The following CDH4 variants were observed in gnomAD, a reference collection of about 807,000 sequenced individuals.
CDH4 encodes cadherin 4.
In CDH4, 33 loss-of-function variants were observed where a neutral mutation model predicts 86.0. That is an observed-to-expected ratio of 0.38 (90% confidence interval 0.29 to 0.51). The LOEUF is 0.51. Among genes scored for constraint, CDH4 ranks in the 20% least tolerant of loss-of-function variants. The pLI is 0.86. For missense variants in CDH4, 1,114 were observed against 1,307.4 expected (o/e 0.85, Z 2.28); for synonymous variants, 555 against 549.4 (o/e 1.01, Z -0.14).
intron 2 of CDH4, among the ~76,000 whole-genome samples, chr20:61,427,377 C>T (rs1600969252): frequency 6.6e-6 from 1 of 152,170 alleles, no homozygotes; most frequent in Non-Finnish European, 1.5e-5. Context: ...AGGCCAGAGG[C>T]ATTAGCAATT....
intron 2 of CDH4, among the ~76,000 whole-genome samples, chr20:61,478,626 T>C (rs1193453630): frequency 6.6e-6 from 1 of 152,226 alleles, no homozygotes; most frequent in Non-Finnish European, 1.5e-5. Context: ...TGTCTTGATC[T>C]GGGGGAATAT....
chr20:61,347,989 T>C (rs943993395), intron 2 of CDH4, among the ~76,000 whole-genome samples: 5 of 152,180 alleles, frequency 3.3e-5, no homozygotes, highest in African/African-American at 4.8e-5. Context: ...ACGTGTGTAT[T>C]ATCGGGGAAG....
At chr20:61,919,211 ATATCT>A (rs2054940272) in intron 9 of CDH4, among the ~76,000 whole-genome samples, 2 of 152,290 alleles carry the variant, frequency 1.3e-5, no homozygotes, top group East Asian at 3.9e-4. Flanking sequence ...TTGTACTGAA[ATATCT>A]TATTCAGTAG....
chr20:61,631,278 T>C (rs533038586), intron 2 of CDH4, among the ~76,000 whole-genome samples: 1 of 152,236 alleles, frequency 6.6e-6, no homozygotes, highest in African/African-American at 2.4e-5. Context: ...CGCAGAGCTG[T>C]CCCGTTTGGA....
At chr20:61,440,681 T>A (rs772217165) in intron 2 of CDH4, among the ~76,000 whole-genome samples, 2 of 152,224 alleles carry the variant, frequency 1.3e-5, no homozygotes, top group Non-Finnish European at 2.9e-5. Context: ...CCTCCTGAGA[T>A]GTGAATCCGG....
intron 5 of CDH4, among the ~76,000 whole-genome samples, chr20:61,851,036 G>A (rs1982699260): frequency 6.6e-6 from 1 of 152,232 alleles, no homozygotes; most frequent in African/African-American, 2.4e-5. Flanking sequence ...GTGACCTCTG[G>A]GCGTGTGGGA....
chr20:61,343,871 C>T (rs1213855765), intron 2 of CDH4, among the ~76,000 whole-genome samples: 1 of 151,990 alleles, frequency 6.6e-6, no homozygotes, highest in East Asian at 1.9e-4. Context: ...CAGTTGGTCA[C>T]ATCGGTTGAA....
chr20:61,812,528 C>T (rs1198386927), intron 4 of CDH4, among the ~76,000 whole-genome samples: 1 of 152,152 alleles, frequency 6.6e-6, no homozygotes, highest in Non-Finnish European at 1.5e-5. Flanking sequence ...CCTTTAACCC[C>T]CGAGAGAATT....
chr20:61,338,893 A>AC (rs2084634004), intron 2 of CDH4, among the ~76,000 whole-genome samples: 1 of 152,212 alleles, frequency 6.6e-6, no homozygotes, highest in Non-Finnish European at 1.5e-5. Context: ...GATGCTCTTG[A>AC]ACATGCCTCC....
chr20:61,468,565 TTA>T (rs1399633851), intron 2 of CDH4, among the ~76,000 whole-genome samples: 1 of 152,196 alleles, frequency 6.6e-6, no homozygotes, highest in Non-Finnish European at 1.5e-5. Context: ...TTACATTCTT[TTA>T]GTTATTTTAA....
At chr20:61,617,216 G>A (rs953129405) in intron 2 of CDH4, among the ~76,000 whole-genome samples, 6 of 152,246 alleles carry the variant, frequency 3.9e-5, no homozygotes, top group Non-Finnish European at 7.4e-5. Flanking sequence ...TACTTCCCAC[G>A]CTGTGTCGTG....
intron 2 of CDH4, among the ~76,000 whole-genome samples, chr20:61,559,670 T>C (rs2086202416): frequency 6.6e-6 from 1 of 151,674 alleles, no homozygotes; most frequent in African/African-American, 2.4e-5. Context: ...AGGCGTGTGC[T>C]GCTTCACCTG....
At chr20:61,291,869 T>C (rs1184193118) in intron 2 of CDH4, among the ~76,000 whole-genome samples, 2 of 152,208 alleles carry the variant, frequency 1.3e-5, no homozygotes, top group Non-Finnish European at 2.9e-5. Flanking sequence ...TACCCAATAG[T>C]TGTCTTTCCT....
rs775026715 is a variant in CDH4 at position 61,396,151 on chromosome 20, G to A, written c.169+141214G>A. Among the ~76,000 whole-genome samples, 24 of 152,262 alleles carry A rather than the reference G, an allele frequency of 1.6e-4. 1 individual carries two copies. Among genetic ancestry groups the A allele is most frequent in the African/African-American group, 3.6e-4 (15 of 41,552 alleles). ...GCGTCGAGTAGTTGCTGCAGAGACC[G>A]TATAGCCCTGAAAGCCTAAAATATT... On this transcript the variant is annotated intron_variant, in intron 2 of 15. Transcript: ENST00000614565.
intron 2 of CDH4, among the ~76,000 whole-genome samples, chr20:61,497,655 C>T (rs2085671989): frequency 6.6e-6 from 1 of 152,100 alleles, no homozygotes; most frequent in South Asian, 2.1e-4. Flanking sequence ...GTGGCGATTC[C>T]TCAAGGATCT....
chr20:61,484,776 A>G (rs896435833), intron 2 of CDH4, among the ~76,000 whole-genome samples: 2 of 152,198 alleles, frequency 1.3e-5, no homozygotes, highest in African/African-American at 4.8e-5. Context: ...GGGTGCGCCC[A>G]GCAGCCCAGC....
chr20:61,734,972 C>T (rs1346213861), intron 2 of CDH4, among the ~76,000 whole-genome samples: 2 of 151,754 alleles, frequency 1.3e-5, no homozygotes, highest in Non-Finnish European at 2.9e-5. Flanking sequence ...CGGGCAGGCG[C>T]CTGGTGATGG....
chr20:61,771,104 G>A (rs1326822615), intron 3 of CDH4, among the ~76,000 whole-genome samples: 4 of 146,006 alleles, frequency 2.7e-5, no homozygotes, highest in African/African-American at 7.6e-5. Context: ...TCCACCTCCC[G>A]GGTTCAAGTG....
chr20:61,565,401 G>C lies in CDH4; in HGVS notation c.170-178162G>C, dbSNP rs62199243. ...TCCTCTTGGTGATGGGGTGATGGTGGTGGCGGTGCTCTTGCTATTGTTGTT... is the reference window on the plus strand; with the variant it reads ...TCCTCTTGGTGATGGGGTGATGGTGCTGGCGGTGCTCTTGCTATTGTTGTT... On this transcript the variant is annotated intron_variant, in intron 2 of 15. Transcript: ENST00000614565. 2.7e-3 allele frequency among the ~76,000 whole-genome samples: 49 copies of C among 18,144 alleles called. 11 individuals are homozygous for C. In the East Asian group the frequency reaches 0.045, roughly 17 times the overall value. 11.9% of individuals were successfully genotyped at this position (18,144 alleles called of 152,430 possible).
Sources: gnomAD v4.1 joint callset for allele counts (sites outside exome capture counted in the v4.1 genomes callset) on GRCh38, gnomAD v4.1.1 for gene constraint, MANE v1.5 for transcripts, NCBI Gene and HGNC (gene_info 2026-07-23, HGNC 2026-07-21) for gene names.